CCDC6: variants seen among roughly 807,000 people sequenced by gnomAD.
The protein encoded by CCDC6 is coiled-coil domain containing 6.
Under a neutral mutation model 56.6 loss-of-function variants are expected in CCDC6, and 20 were observed. The observed-to-expected ratio is 0.35, with a 90% CI of 0.25 to 0.51. The LOEUF (loss-of-function observed/expected upper bound fraction) is 0.51, where lower values mean the gene tolerates loss of function less well. CCDC6 is among the 20% of genes least tolerant of loss of function. CCDC6 has a pLI of 0.95. For missense variants in CCDC6, 367 were observed against 601.1 expected, an observed-to-expected ratio of 0.61 and a Z score of 4.07; for synonymous variants, 241 against 234.4, an observed-to-expected ratio of 1.03 and a Z score of -0.26.
intron 8 of CCDC6, among the ~76,000 whole-genome samples, chr10:59,793,392 C>T (rs1307852623): frequency 6.6e-6 from 1 of 152,184 alleles, no homozygotes; most frequent in Non-Finnish European, 1.5e-5. Context: ...GTAAAATATC[C>T]CCTTAAATCT....
chr10:59,819,813 T>A (rs1057497466), intron 3 of CCDC6, among the ~76,000 whole-genome samples: 7 of 152,190 alleles, frequency 4.6e-5, no homozygotes, highest in Admixed American at 6.5e-5. Flanking sequence ...ATTTTCAGGC[T>A]AACCCAAGCC....
chr10:59,887,302 G>C (rs1370415248), intron 1 of CCDC6, among the ~76,000 whole-genome samples: 1 of 152,094 alleles, frequency 6.6e-6, no homozygotes, highest in Non-Finnish European at 1.5e-5. Flanking sequence ...TGTAATGATT[G>C]AGTCAACATA....
At chr10:59,861,669 T>C (rs1433914693) in intron 1 of CCDC6, among the ~76,000 whole-genome samples, 4 of 152,204 alleles carry the variant, frequency 2.6e-5, no homozygotes, top group Non-Finnish European at 4.4e-5. Flanking sequence ...ATTAAAAAAC[T>C]AATTAGAGAT....
At chr10:59,888,313 G>C (rs1315211574) in intron 1 of CCDC6, among the ~76,000 whole-genome samples, 1 of 152,248 alleles carries the variant, frequency 6.6e-6, no homozygotes, top group African/African-American at 2.4e-5. Context: ...TGGCTGCACA[G>C]GATGCCTCAC....
intron 1 of CCDC6, among the ~76,000 whole-genome samples, chr10:59,878,191 C>T (rs1240188577): frequency 6.6e-6 from 1 of 152,038 alleles, no homozygotes; most frequent in Non-Finnish European, 1.5e-5. Flanking sequence ...TTATGAAAAA[C>T]AAGAGTTTAG....
intron 1 of CCDC6, among the ~76,000 whole-genome samples, chr10:59,876,057 G>A (rs1278294651): frequency 7.6e-5 from 9 of 118,428 alleles, no homozygotes; most frequent in Non-Finnish European, 1.5e-4. Flanking sequence ...ACATACACGA[G>A]TGCATGCACA....
At chr10:59,863,755 T>C (rs1414356107) in intron 1 of CCDC6, among the ~76,000 whole-genome samples, 1 of 152,162 alleles carries the variant, frequency 6.6e-6, no homozygotes, top group African/African-American at 2.4e-5. Context: ...GAAATATCAA[T>C]GAAATATAAA....
intron 1 of CCDC6, among the ~76,000 whole-genome samples, chr10:59,902,388 CTTTTTTTTTTTTTT>C (rs35175510): frequency 2.3e-5 from 2 of 88,422 alleles, no homozygotes; most frequent in African/African-American, 4.3e-5. Flanking sequence ...AACAGTAACT[CTTTTTTTTTTTTTT>C]TTTTTTTTTG....
At chr10:59,857,979 T>C (rs368792978) in intron 1 of CCDC6, among the ~76,000 whole-genome samples, 2 of 152,154 alleles carry the variant, frequency 1.3e-5, no homozygotes, top group African/African-American at 4.8e-5. Context: ...ATAATGATTG[T>C]TGTGGGAGAT....
At chr10:59,794,352 G>T in intron 8 of CCDC6, 121 bp downstream of exon 8, 1 of 949,198 alleles carries the variant, frequency 1.1e-6, no homozygotes, top group Non-Finnish European at 1.6e-6. Context: ...GTTTCAAGGT[G>T]AACGGATGGA....
chr10:59,836,378 T>C (rs1428972390), intron 2 of CCDC6, among the ~76,000 whole-genome samples: 1 of 152,168 alleles, frequency 6.6e-6, no homozygotes, highest in African/African-American at 2.4e-5. Context: ...TGGTGCAGGG[T>C]GACTCAAGAC....
At chr10:59,872,689 C>G (rs904929386) in intron 1 of CCDC6, among the ~76,000 whole-genome samples, 6 of 150,242 alleles carry the variant, frequency 4.0e-5, no homozygotes, top group Non-Finnish European at 7.4e-5. Context: ...AGTTTCTATT[C>G]TAGTTGGACA....
At chr10:59,897,288 C>A (rs2071470958) in intron 1 of CCDC6, among the ~76,000 whole-genome samples, 1 of 151,740 alleles carries the variant, frequency 6.6e-6, no homozygotes, top group African/African-American at 2.4e-5. Flanking sequence ...AGTTTCACTC[C>A]TGTTGCCCAG....
chr10:59,798,195 T>C (rs1318916714), intron 7 of CCDC6, among the ~76,000 whole-genome samples: 2 of 152,216 alleles, frequency 1.3e-5, no homozygotes, highest in Non-Finnish European at 2.9e-5. Context: ...GAAATGTGGA[T>C]AGGAATCACC....
Position 59,794,723 on chromosome 10 carries a change from GA to G in CCDC6, c.1106-127del, listed in dbSNP as rs1326370470. 6.1e-5 allele frequency: 44 copies of G among 723,542 alleles called. No individual in the cohort carries two copies. The African/African-American group carries it at 7.3e-4, about 12-fold the overall frequency. 44.8% of individuals were successfully genotyped at this position (723,542 alleles called of 1,614,324 possible). On this transcript the variant is annotated intron_variant, in intron 7 of 8. Coordinates refer to ENST00000263102, the MANE Select transcript of CCDC6 (RefSeq NM_005436.5). The stretch of plus-strand genomic sequence containing the variant: ...AAAAATACAAACAGATGAAAAGAAT[GA>G]TGGGCTCACTAAATGGTGTGGATAA...
intron 6 of CCDC6, 22 bp from the exon 7 acceptor site, chr10:59,804,542 C>T (rs765856211): frequency 7.4e-5 from 101 of 1,365,532 alleles, no homozygotes; most frequent in Non-Finnish European, 9.4e-5. Flanking sequence ...GAGGAGGAAA[C>T]GATAAAACCA....
intron 2 of CCDC6, among the ~76,000 whole-genome samples, chr10:59,852,274 T>C (rs17791436): frequency 0.19 from 29,329 of 152,182 alleles, 3,716 homozygotes; most frequent in Middle Eastern, 0.32. Context: ...ACTTCCAAAA[T>C]GCTACATTCA....
At chr10:59,896,664 A>C (rs1202518420) in intron 1 of CCDC6, among the ~76,000 whole-genome samples, 1 of 152,102 alleles carries the variant, frequency 6.6e-6, no homozygotes, top group Non-Finnish European at 1.5e-5. Flanking sequence ...ATAGAGGTTT[A>C]CCAGGGAGGA....
At chr10:59,886,614 C>A (rs982571347) in intron 1 of CCDC6, among the ~76,000 whole-genome samples, 1 of 152,110 alleles carries the variant, frequency 6.6e-6, no homozygotes, top group African/African-American at 2.4e-5. Context: ...AGCAATATTT[C>A]CTGTAGATTA....
Sources: allele counts gnomAD v4.1 joint callset (sites outside exome capture counted in the v4.1 genomes callset), GRCh38; gene constraint gnomAD v4.1.1; transcripts MANE v1.5; gene names NCBI Gene and HGNC (gene_info 2026-07-23, HGNC 2026-07-21).